The following IGF2R variants were observed in gnomAD, a reference collection of about 807,000 sequenced individuals.
IGF2R encodes cation-independent mannose-6-phosphate receptor.
Under a neutral mutation model 270.6 loss-of-function variants are expected in IGF2R, and 91 were observed. The observed-to-expected ratio is 0.34, with a 90% confidence interval of 0.28 to 0.40. IGF2R has a LOEUF of 0.40. Ranked by LOEUF, IGF2R falls within the 10% of genes least tolerant of loss-of-function variation. IGF2R has a pLI of 1.00. For synonymous variants in IGF2R, 1,316 were observed against 1,258.9 expected, an observed-to-expected ratio of 1.05 and a Z score of -0.96; for missense variants, 2,805 against 3,188.3, an observed-to-expected ratio of 0.88 and a Z score of 2.90.
rs568538333 is a variant in IGF2R, at chr6:160,033,215, C to T, written c.1211+108C>T. ...GCAGTGGTGCAATCTCGGTGCATTG[C>T]AGCCTTGACTTCCCTGCCTCAAGTA... is the stretch of plus-strand genomic sequence containing the variant. On this transcript the variant is annotated intron_variant, in intron 9 of 47. Transcript: ENST00000356956. The T allele has an allele frequency of 1.8e-5, 13 of 713,018 alleles. No homozygotes were observed. The African/African-American group carries it at 2.3e-4, about 13-fold the overall frequency. 44.2% of individuals were successfully genotyped at this position (713,018 alleles called of 1,614,324 possible).
chr6:159,993,062 A>T (rs999149649), intron 2 of IGF2R, among the ~76,000 whole-genome samples: 1 of 152,132 alleles, frequency 6.6e-6, no homozygotes, highest in Non-Finnish European at 1.5e-5. Flanking sequence ...CTTTAGAGAA[A>T]TGTCTGTTCA....
At position 160,058,041 on chromosome 6, in the gene IGF2R, C is replaced by T. The variant is rs1778351055; in HGVS notation, c.2815C>T (p.Pro939Ser). 1 of 1,612,906 alleles carries T rather than the reference C, an allele frequency of 6.2e-7. No homozygotes were observed. The highest frequency in any genetic ancestry group is 1.7e-5 in the Admixed American group (1 of 60,028). The change falls in exon 21 of 48, where the codon CCC (proline) becomes TCC (serine). Residue 939 changes from proline (P) to serine (S), a missense_variant. Coordinates refer to ENST00000356956, the MANE Select transcript of IGF2R (RefSeq NM_000876.4). ...CCTGTAGGCTTGCTCTATAAGGGAT[C>T]CCAACAGTGGATTTGTGTTTAATCT... ...DTDQACSIRD[P>S]NSGFVFNLNP...
chr6:159,980,714 G>A (rs1461591678), intron 1 of IGF2R, among the ~76,000 whole-genome samples: 1 of 151,964 alleles, frequency 6.6e-6, no homozygotes, highest in African/African-American at 2.4e-5. Context: ...CTTGTAGTTT[G>A]CACACTCCAG....
At chr6:160,056,292 C>T (rs775893470) in intron 19 of IGF2R, 132 bp from the exon 20 acceptor site, 11 of 667,760 alleles carry the variant, frequency 1.6e-5, no homozygotes, top group Admixed American at 1.1e-4. Context: ...CATTAAGTGC[C>T]TAGCTTATTG....
chr6:160,101,217 A>G (rs562862770), intron 45 of IGF2R, among the ~76,000 whole-genome samples: 114 of 152,236 alleles, frequency 7.5e-4, no homozygotes, highest in Non-Finnish European at 1.5e-3. Flanking sequence ...TGAATAATCT[A>G]TGGTCCAAAG....
intron 46 of IGF2R, among the ~76,000 whole-genome samples, chr6:160,103,275 C>A (rs1278824102): frequency 6.6e-6 from 1 of 151,328 alleles, no homozygotes; most frequent in East Asian, 2.0e-4. Context: ...GAGCCAAGAT[C>A]TCACCACTGC....
chr6:160,080,321 A>T (rs1348368819), intron 39 of IGF2R, 46 bp downstream of exon 39: 1 of 1,590,406 alleles, frequency 6.3e-7, no homozygotes, highest in Admixed American at 1.7e-5. Context: ...GGGCCTTGAT[A>T]CTGTCAAGGC....
rs1192947570 is a variant in IGF2R at position 160,075,920 on chromosome 6, G to A, written c.5240G>A (p.Ser1747Asn). 7 of 1,613,972 alleles carry A rather than the reference G, an allele frequency of 4.3e-6. No homozygotes were observed. Among genetic ancestry groups the A allele is most frequent in the Middle Eastern group, 1.6e-4 (1 of 6,062 alleles). Residue 1747 changes from serine to asparagine, a missense_variant, in exon 36 of 48, where the codon AGT becomes AAT. By Grantham distance (46) the Ser-to-Asn change is conservative. Transcript: ENST00000356956. ...ANEIYLNFES[S>N]TPCLADKHFN... is the part of the protein sequence containing the mutation. ...GAGATTTACTTGAATTTTGAAAGCA[G>A]TACTCCTTGCTTAGCGGACAAGCAT...
intron 1 of IGF2R, among the ~76,000 whole-genome samples, chr6:159,981,169 C>G (rs1421303911): frequency 6.6e-6 from 1 of 152,232 alleles, no homozygotes; most frequent in Non-Finnish European, 1.5e-5. Flanking sequence ...ACTCACCTGT[C>G]TCTGTTGTGG....
At chr6:160,040,529 G>A in intron 10 of IGF2R, 31 bp from the exon 11 acceptor site, 1 of 1,608,632 alleles carries the variant, frequency 6.2e-7, no homozygotes, top group African/African-American at 1.3e-5. Context: ...GTCACGTATG[G>A]AGTTTAAATT....
intron 1 of IGF2R, among the ~76,000 whole-genome samples, chr6:159,971,814 A>G (rs1583234522): frequency 6.6e-6 from 1 of 152,094 alleles, no homozygotes; most frequent in South Asian, 2.1e-4. Context: ...CACTTGGCTT[A>G]TTATATATTT....
chr6:160,087,169 G>T (rs1193171616), intron 41 of IGF2R, among the ~76,000 whole-genome samples: 1 of 152,174 alleles, frequency 6.6e-6, no homozygotes, highest in African/African-American at 2.4e-5. Context: ...GACAGTGCTC[G>T]ACTGAAAGCT....
At chr6:160,083,884 T>C (rs1252361958) in intron 39 of IGF2R, 66 bp from the exon 40 acceptor site, 2 of 1,085,826 alleles carry the variant, frequency 1.8e-6, no homozygotes, top group African/African-American at 1.6e-5. Flanking sequence ...GAGTCTCTTA[T>C]GTCTTCCCTT....
chr6:159,971,358 C>G (rs989171074), intron 1 of IGF2R, among the ~76,000 whole-genome samples: 6 of 152,142 alleles, frequency 3.9e-5, no homozygotes, highest in African/African-American at 1.4e-4. Flanking sequence ...TTTTTCTGGC[C>G]ACTGTCACAC....
At chr6:159,990,050 A>C (rs140807171) in intron 1 of IGF2R, among the ~76,000 whole-genome samples, 60 of 152,368 alleles carry the variant, frequency 3.9e-4, no homozygotes, top group Middle Eastern at 3.4e-3. Context: ...CTGTCTTGCG[A>C]GTTCAGATCT....
At chr6:160,072,346 C>A (rs1778760379) in intron 32 of IGF2R, among the ~76,000 whole-genome samples, 1 of 152,160 alleles carries the variant, frequency 6.6e-6, no homozygotes, top group Non-Finnish European at 1.5e-5. Context: ...CTCTCCAGGG[C>A]AGGTTAGAGC....
At chr6:160,076,625 C>T (rs1778860995) in intron 36 of IGF2R, among the ~76,000 whole-genome samples, 1 of 152,190 alleles carries the variant, frequency 6.6e-6, no homozygotes, top group African/African-American at 2.4e-5. Context: ...AGGGGCAGAG[C>T]CAGGTCCCAG....
chr6:160,054,133 C>T (rs1171662021), intron 19 of IGF2R, among the ~76,000 whole-genome samples: 1 of 152,098 alleles, frequency 6.6e-6, no homozygotes. Context: ...TAGCCTCAGG[C>T]CAGAAGCCAG....
intron 41 of IGF2R, 44 bp from the exon 42 acceptor site, chr6:160,087,985 TTATA>T (rs1289474624): frequency 1.6e-6 from 2 of 1,287,456 alleles, no homozygotes; most frequent in African/African-American, 2.9e-5. Context: ...CTGAGGCTTT[TTATA>T]ATGCACTAGA....
Sources: allele counts gnomAD v4.1 joint callset (sites outside exome capture counted in the v4.1 genomes callset), GRCh38; gene constraint gnomAD v4.1.1; transcripts MANE v1.5; gene names NCBI Gene and HGNC (gene_info 2026-07-23, HGNC 2026-07-21).